The following STXBP5 variants were observed in gnomAD, a reference collection of about 807,000 sequenced individuals.
STXBP5 encodes the protein syntaxin-binding protein 5.
A neutral mutation model predicts 152.4 loss-of-function variants in STXBP5; 50 were observed. That is an observed-to-expected ratio of 0.33 (90% CI 0.26 to 0.42). The LOEUF is 0.42. Ranked by LOEUF, STXBP5 falls within the 10% of genes least tolerant of loss-of-function variation. STXBP5 has a pLI of 1.00. For missense variants in STXBP5, 1,167 were observed against 1,388.6 expected, an observed-to-expected ratio of 0.84 and a Z score of 2.54; for synonymous variants, 492 against 494.7, an observed-to-expected ratio of 0.99 and a Z score of 0.07.
At chr6:147,326,497 C>T (rs1783264593) in intron 17 of STXBP5, among the ~76,000 whole-genome samples, 1 of 152,176 alleles carries the variant, frequency 6.6e-6, no homozygotes, top group Non-Finnish European at 1.5e-5. Flanking sequence ...ATGTGCCATA[C>T]AATCTTAAGT....
In STXBP5 at chr6:147,283,723, C is replaced by T. The variant is rs543780634; in HGVS notation, c.838+5519C>T. ...AGCAAAACTATACACTGGTGGTTAC[C>T]AGGGAAGTTTTGGGCCTTAAACAAC... is the stretch of plus-strand genomic sequence containing the variant. On this transcript the variant is annotated intron_variant, in intron 8 of 27. Coordinates refer to ENST00000321680, the MANE Select transcript of STXBP5 (RefSeq NM_001127715.4). Among the ~76,000 whole-genome samples the T allele has an allele frequency of 3.3e-5, 5 of 152,266 alleles. 1 individual carries two copies. In the South Asian group the frequency reaches 1.0e-3, roughly 32 times the overall value.
chr6:147,346,226 G>A (rs1430158373), intron 21 of STXBP5, among the ~76,000 whole-genome samples: 3 of 152,116 alleles, frequency 2.0e-5, no homozygotes, highest in Non-Finnish European at 4.4e-5. Context: ...AAGTGATTCT[G>A]GGACTCCTGA....
intron 9 of STXBP5, 101 bp from the exon 10 acceptor site, chr6:147,309,983 A>G (rs918809810): frequency 2.2e-5 from 19 of 846,104 alleles, no homozygotes; most frequent in Non-Finnish European, 3.2e-5. Flanking sequence ...AAATGTTAGA[A>G]TTTAAGATTT....
chr6:147,306,393 G>A (rs1265411202), intron 9 of STXBP5, among the ~76,000 whole-genome samples: 1 of 152,226 alleles, frequency 6.6e-6, no homozygotes, highest in Non-Finnish European at 1.5e-5. Flanking sequence ...GCTGGGCTGG[G>A]AAAGGTTTCT....
intron 2 of STXBP5, among the ~76,000 whole-genome samples, chr6:147,206,762 T>A (rs976925258): frequency 2.6e-5 from 4 of 152,302 alleles, no homozygotes; most frequent in East Asian, 1.9e-4. Context: ...GTATGAACTA[T>A]ATTAGTTTTA....
At chr6:147,249,983 T>G (rs964822309) in intron 4 of STXBP5, among the ~76,000 whole-genome samples, 1 of 152,210 alleles carries the variant, frequency 6.6e-6, no homozygotes, top group Non-Finnish European at 1.5e-5. Flanking sequence ...GACTTTTGTC[T>G]AAAGGAGTAA....
At chr6:147,252,908 G>A (rs1024593635) in intron 4 of STXBP5, among the ~76,000 whole-genome samples, 8 of 152,094 alleles carry the variant, frequency 5.3e-5, no homozygotes, top group African/African-American at 1.9e-4. Flanking sequence ...TTTTCCTTCT[G>A]CAACTATTCC....
At chr6:147,258,411 G>A (rs1013123741) in intron 4 of STXBP5, among the ~76,000 whole-genome samples, 3 of 152,004 alleles carry the variant, frequency 2.0e-5, no homozygotes, top group Non-Finnish European at 4.4e-5. Context: ...ACATGCACAC[G>A]CATAACACAT....
intron 4 of STXBP5, among the ~76,000 whole-genome samples, chr6:147,249,795 T>A (rs1778996984): frequency 6.6e-6 from 1 of 152,062 alleles, no homozygotes; most frequent in African/African-American, 2.4e-5. Flanking sequence ...CCGTTAAAGA[T>A]CAAAAGGTCA....
intron 26 of STXBP5, 35 bp downstream of exon 26, chr6:147,373,877 A>C (rs773242573): frequency 6.5e-7 from 1 of 1,527,248 alleles, no homozygotes. Flanking sequence ...TAATATATCT[A>C]TAAAACAGGA....
In STXBP5 at chr6:147,239,243, T is replaced by C. The variant is rs780906186; in HGVS notation, c.404T>C (p.Leu135Pro). 1 of 1,613,724 alleles carries C rather than the reference T, an allele frequency of 6.2e-7. No individual in the cohort carries two copies. The highest frequency in any genetic ancestry group is 2.2e-5 in the East Asian group (1 of 44,812). ...WNLRQKRPAI[L>P]HSLKFCRERV... ...TTACGTCAGAAGAGGCCTGCCATACTACATTCGCTTAAATTTTGCAGAGAA... is the reference window on the plus strand; with the variant it reads ...TTACGTCAGAAGAGGCCTGCCATACCACATTCGCTTAAATTTTGCAGAGAA... Residue 135 changes from leucine to proline, a missense_variant, in exon 4 of 28, where the codon CTA (leucine) becomes CCA (proline). This residue lies in a region of STXBP5 where 310 missense variants were observed against 346.1 expected (regional missense o/e 0.90). Transcript: ENST00000321680.
rs938515903 is a variant in STXBP5 at position 147,327,269 on chromosome 6, T to C, written c.2073T>C (p.Pro691=). The C allele has an allele frequency of 1.9e-6, 3 of 1,599,102 alleles. No homozygotes were observed. Among genetic ancestry groups the C allele is most frequent in the Non-Finnish European group, 2.6e-6 (3 of 1,176,452 alleles). The stretch of plus-strand genomic sequence containing the variant: ...GATCTCCTCGTAAATCTCGACAGCC[T>C]TCAGGAGGTAAAAAGAAAAGAAAAG... ...EPRSPRKSRQ[P]SGAGLCDISE... The change falls in exon 18 of 28, where the codon CCT becomes CCC. Residue 691 remains proline (P), a synonymous_variant. Transcript: ENST00000321680.
At chr6:147,212,094 C>A (rs936295642) in intron 2 of STXBP5, among the ~76,000 whole-genome samples, 1 of 152,188 alleles carries the variant, frequency 6.6e-6, no homozygotes. Context: ...AGTTGTGATT[C>A]TTAGCATGGA....
chr6:147,216,472 A>T (rs1183671800), intron 2 of STXBP5, among the ~76,000 whole-genome samples: 2 of 152,188 alleles, frequency 1.3e-5, no homozygotes, highest in Admixed American at 1.3e-4. Context: ...TTAGAATCAG[A>T]TATATTACAT....
At chr6:147,221,905 G>A (rs1305289051) in intron 2 of STXBP5, among the ~76,000 whole-genome samples, 1 of 151,618 alleles carries the variant, frequency 6.6e-6, no homozygotes, top group Non-Finnish European at 1.5e-5. Flanking sequence ...TACGCCTTTT[G>A]TTGTTGTCTC....
Position 147,316,021 on chromosome 6 carries a change from A to G in STXBP5, c.1624-208A>G, listed in dbSNP as rs1187184204. Among the ~76,000 whole-genome samples, 3 of 152,196 alleles carry G rather than the reference A, an allele frequency of 2.0e-5. No individual in the cohort carries two copies. In the East Asian group the frequency reaches 5.8e-4, roughly 29 times the overall value. On this transcript the variant is annotated intron_variant, in intron 15 of 27. Coordinates refer to ENST00000321680, the MANE Select transcript of STXBP5 (RefSeq NM_001127715.4). ...CACGAGTACCATACATTCTAAAATC[A>G]TAATGCACGTTTGTGTGTGTACTCC...
chr6:147,247,017 A>G (rs1219028879), intron 4 of STXBP5, among the ~76,000 whole-genome samples: 3 of 152,196 alleles, frequency 2.0e-5, no homozygotes, highest in Non-Finnish European at 4.4e-5. Flanking sequence ...TGTGCTTTGC[A>G]TATTTATAAA....
intron 16 of STXBP5, among the ~76,000 whole-genome samples, chr6:147,317,112 C>G (rs1782683576): frequency 1.3e-5 from 2 of 152,116 alleles, no homozygotes; most frequent in East Asian, 1.9e-4. Context: ...CAGAGAGATT[C>G]AGTAGATTGG....
intron 4 of STXBP5, among the ~76,000 whole-genome samples, chr6:147,246,214 T>A (rs1562435327): frequency 6.6e-6 from 1 of 152,216 alleles, no homozygotes; most frequent in Non-Finnish European, 1.5e-5. Context: ...TAAAGAAGTT[T>A]AAATAGGAGC....
Sources: allele counts gnomAD v4.1 joint callset (sites outside exome capture counted in the v4.1 genomes callset), GRCh38; gene constraint gnomAD v4.1.1; regional missense constraint gnomAD v4.1.1; transcripts MANE v1.5; gene names NCBI Gene and HGNC (gene_info 2026-07-23, HGNC 2026-07-21).